HPRT1: variants seen among roughly 807,000 people sequenced by gnomAD.
The protein encoded by HPRT1 is hypoxanthine-guanine phosphoribosyltransferase.
HPRT1 carries 4 observed loss-of-function variants against 19.0 expected under a neutral mutation model. That is an observed-to-expected ratio of 0.21 (90% CI 0.10 to 0.48). HPRT1 has a LOEUF of 0.48. Among genes scored for constraint, HPRT1 ranks in the 20% least tolerant of loss-of-function variants. HPRT1 has a pLI of 0.98. For missense variants in HPRT1, 65 were observed against 164.0 expected (o/e 0.40, Z 3.30); for synonymous variants, 53 against 54.9 (o/e 0.97, Z 0.15).
intron 1 of HPRT1, among the ~76,000 whole-genome samples, chrX:134,472,378 A>G (rs1232049393): frequency 9.0e-6 from 1 of 111,471 alleles, no homozygotes. Flanking sequence ...GAATAGTATA[A>G]TGAATACCCG....
intron 6 of HPRT1, among the ~76,000 whole-genome samples, chrX:134,494,499 T>G (rs958944777): frequency 2.7e-5 from 3 of 111,639 alleles, no homozygotes; most frequent in African/African-American, 6.5e-5. Context: ...TAGTGAGTCA[T>G]ATGTCAGCAG....
chrX:134,477,364 A>G (rs1302353970), intron 3 of HPRT1, among the ~76,000 whole-genome samples: 4 of 110,168 alleles, frequency 3.6e-5, no homozygotes, highest in Middle Eastern at 9.3e-3. Flanking sequence ...CCCGGCCGAC[A>G]TGTTAATTTT....
chrX:134,460,411 G>A, intron 1 of HPRT1, 73 bp downstream of exon 1: 4 of 885,750 alleles, frequency 4.5e-6, no homozygotes, highest in South Asian at 7.7e-5. Context: ...CCTGAGGCGC[G>A]GGATCCGCAG....
At chrX:134,461,791 C>T (rs1312431327) in intron 1 of HPRT1, among the ~76,000 whole-genome samples, 1 of 111,928 alleles carries the variant, frequency 8.9e-6, no homozygotes, top group Non-Finnish European at 1.9e-5. Context: ...TACCCTAGGT[C>T]ATACAGTTAT....
At position 134,469,207 on chromosome X, in the gene HPRT1, A is replaced by G. The variant is rs773208332; in HGVS notation, c.28-4152A>G. On this transcript the variant is annotated intron_variant, in intron 1 of 8. Transcript: ENST00000298556. ...CCCCAATATACCCAAATATATATATATGTGTGCATATATATAGTAAGTTGT... is the reference window on the plus strand; with the variant it reads ...CCCCAATATACCCAAATATATATATGTGTGTGCATATATATAGTAAGTTGT... Among the ~76,000 whole-genome samples, 5 of 110,982 alleles carry G rather than the reference A, an allele frequency of 4.5e-5. No individual in the cohort carries two copies. In the South Asian group the frequency reaches 1.1e-3, roughly 25 times the overall value.
chrX:134,488,555 A>G (rs190010820), intron 4 of HPRT1, among the ~76,000 whole-genome samples: 8 of 111,803 alleles, frequency 7.2e-5, no homozygotes, highest in Admixed American at 6.7e-4. Context: ...CCTGTATTCA[A>G]GTCTCTAATA....
chrX:134,469,196 A>AAT lies in HPRT1; in HGVS notation c.28-4152_28-4151dup, dbSNP rs1451549694. On this transcript the variant is annotated intron_variant, in intron 1 of 8. Coordinates refer to ENST00000298556, the MANE Select transcript of HPRT1 (RefSeq NM_000194.3). Reference sequence around the variant, plus strand: ...AATTAGAACCCCCCCAATATACCCAAATATATATATATGTGTGCATATATA... The same window carrying AAT: ...AATTAGAACCCCCCCAATATACCCAAATATATATATATATGTGTGCATATATA... Among the ~76,000 whole-genome samples the AAT allele has an allele frequency of 8.2e-5, 9 of 110,421 alleles. No homozygotes were observed. The East Asian group carries it at 2.0e-3, about 24-fold the overall frequency.
chrX:134,490,404 C>A (rs940470555), intron 5 of HPRT1, among the ~76,000 whole-genome samples, 199 bp downstream of exon 5: 2 of 107,811 alleles, frequency 1.9e-5, no homozygotes, highest in African/African-American at 6.7e-5. Flanking sequence ...ATACTTCCTA[C>A]CTCTCTTTTT....
At chrX:134,490,553 T>TA (rs1264124328) in intron 5 of HPRT1, among the ~76,000 whole-genome samples, 2 of 107,526 alleles carry the variant, frequency 1.9e-5, no homozygotes, top group Admixed American at 2.0e-4. Flanking sequence ...ATTTGGTACA[T>TA]AAAAAATAAT....
In HPRT1 at chrX:134,492,796, TTC is replaced by T. The variant is rs1231619642; in HGVS notation, c.403-710_403-709del. On this transcript the variant is annotated intron_variant, in intron 5 of 8. Transcript: ENST00000298556. ...ACACCAGGAGGCAGGAATTTTTTTT[TTC>T]TTTTTCTTTTTTGTTAAAAAGTCTT... 2.7e-5 allele frequency among the ~76,000 whole-genome samples: 3 copies of T among 111,586 alleles called. No homozygotes were observed. The East Asian group carries it at 8.4e-4, about 31-fold the overall frequency.
In HPRT1 at chrX:134,493,735, T is replaced by C. The variant is rs2077673702; in HGVS notation, c.485+145T>C. 1.3e-5 allele frequency: 6 copies of C among 475,629 alleles called. No homozygotes were observed. The Middle Eastern group carries it at 1.5e-3, about 116-fold the overall frequency. 39.2% of individuals were successfully genotyped at this position (475,629 alleles called of 1,213,427 possible). ...CATATAAGACTTAAGATATAATCCT[T>C]TTAAATAATTTTGTCATGTGTTAAT... On this transcript the variant is annotated intron_variant, in intron 6 of 8. Transcript: ENST00000298556.
At chrX:134,478,568 G>A (rs943456808) in intron 3 of HPRT1, among the ~76,000 whole-genome samples, 1 of 111,899 alleles carries the variant, frequency 8.9e-6, no homozygotes. Context: ...GTTCGAGACT[G>A]AGTGGAATGC....
chrX:134,488,430 C>T (rs1477916019), intron 4 of HPRT1, among the ~76,000 whole-genome samples: 3 of 110,931 alleles, frequency 2.7e-5, no homozygotes, highest in Non-Finnish European at 5.7e-5. Flanking sequence ...AGCCACCCTG[C>T]CTGGCCTCAT....
chrX:134,477,221 C>T (rs1371245829), intron 3 of HPRT1, among the ~76,000 whole-genome samples: 6 of 106,857 alleles, frequency 5.6e-5, no homozygotes, highest in East Asian at 2.9e-4. Context: ...CCACTATGCC[C>T]GGCTAATTTT....
At chrX:134,463,486 G>A (rs1429564918) in intron 1 of HPRT1, among the ~76,000 whole-genome samples, 1 of 108,843 alleles carries the variant, frequency 9.2e-6, no homozygotes, top group African/African-American at 3.4e-5. Flanking sequence ...CAATCTGTAG[G>A]TGTAAACCAG....
intron 1 of HPRT1, among the ~76,000 whole-genome samples, chrX:134,472,768 T>G (rs1368611813): frequency 9.2e-6 from 1 of 108,920 alleles, no homozygotes; most frequent in Admixed American, 9.9e-5. Context: ...CGGGGGGAGG[T>G]TTCACCATGT....
chrX:134,471,918 C>G (rs1176294381), intron 1 of HPRT1, among the ~76,000 whole-genome samples: 1 of 111,681 alleles, frequency 9.0e-6, no homozygotes, highest in Non-Finnish European at 1.9e-5. Context: ...GGATTACAGG[C>G]ATGAGCCGCT....
At chrX:134,461,025 A>T (rs755600521) in intron 1 of HPRT1, among the ~76,000 whole-genome samples, 1 of 110,926 alleles carries the variant, frequency 9.0e-6, no homozygotes, top group East Asian at 2.9e-4. Flanking sequence ...GAAAATGAGA[A>T]TCTGGTCCTT....
At chrX:134,493,980 G>A (rs1428922890) in intron 6 of HPRT1, among the ~76,000 whole-genome samples, 1 of 111,987 alleles carries the variant, frequency 8.9e-6, no homozygotes, top group African/African-American at 3.2e-5. Flanking sequence ...CATCTTCTTT[G>A]TGTCTGTAGT....
Sources: gnomAD v4.1 joint callset for allele counts (sites outside exome capture counted in the v4.1 genomes callset) on GRCh38, gnomAD v4.1.1 for gene constraint, MANE v1.5 for transcripts, NCBI Gene and HGNC (gene_info 2026-07-23, HGNC 2026-07-21) for gene names.